The following NLRP1 variants were observed in gnomAD, a reference collection of about 807,000 sequenced individuals.
The protein encoded by NLRP1 is NLR family pyrin domain containing 1, also known as NACHT, LRR and PYD domains-containing protein 1.
A neutral mutation model predicts 136.7 loss-of-function variants in NLRP1; 94 were observed. The ratio of observed to expected loss-of-function variants is 0.69; its 90% CI spans 0.58 to 0.82. The LOEUF (loss-of-function observed/expected upper bound fraction) is 0.82, where lower values mean the gene tolerates loss of function less well. Ranked by LOEUF, NLRP1 falls within the 40% of genes least tolerant of loss-of-function variation. The pLI is 0.00. For missense variants in NLRP1, 1,575 were observed against 1,802.7 expected (o/e 0.87, Z 2.29); for synonymous variants, 690 against 725.1 (o/e 0.95, Z 0.78).
rs750620188 is a variant in NLRP1 at position 5,582,823 on chromosome 17, T to G, written c.295A>C (p.Ser99Arg). 1 of 1,612,114 alleles carries G rather than the reference T, an allele frequency of 6.2e-7. No homozygotes were observed. Among genetic ancestry groups the G allele is most frequent in the Admixed American group, 1.7e-5 (1 of 59,826 alleles). The change falls in exon 2 of 17, where the codon AGC becomes CGC. Residue 99 changes from serine to arginine, a missense_variant. Ser to Arg is a moderately radical substitution (Grantham distance 110). Transcript: ENST00000572272. ...GACCCCAGGTGGGGTTCACTTGGGC[T>G]GTAGGGGAATGAGGGAGAGTGGCCT... ...GAGHSPSFPY[S>R]PSEPHLGSPS...
At chr17:5,580,500 C>T (rs564757922) in intron 3 of NLRP1, among the ~76,000 whole-genome samples, 263 of 152,130 alleles carry the variant, frequency 1.7e-3, no homozygotes, top group Non-Finnish European at 2.4e-3. Flanking sequence ...AATGTTATTT[C>T]CCTTGCATTG....
At chr17:5,507,319 A>T (rs550692723) in intron 15 of NLRP1, among the ~76,000 whole-genome samples, 1 of 152,224 alleles carries the variant, frequency 6.6e-6, no homozygotes, top group Non-Finnish European at 1.5e-5. Flanking sequence ...AATAAATTAA[A>T]TTAATTAAAT....
chr17:5,561,143 GC>G, intron 3 of NLRP1, among the ~76,000 whole-genome samples: 1 of 152,204 alleles, frequency 6.6e-6, no homozygotes, highest in East Asian at 1.9e-4. Flanking sequence ...CGCAACCTCC[GC>G]CTCCCAGGGT....
chr17:5,562,504 GA>G (rs145141328), intron 3 of NLRP1, among the ~76,000 whole-genome samples: 2,335 of 152,288 alleles, frequency 0.015, 53 homozygotes, highest in African/African-American at 0.052. Context: ...CCAGTAATCA[GA>G]AGGGTCTTGT....
rs2151726487 is a variant in NLRP1 at position 5,504,658 on chromosome 17, T to TAAAAC, written c.4070-2791_4070-2787dup. 6.8e-6 allele frequency: 1 copy of TAAAAC among 146,580 alleles called. No homozygotes were observed. The highest frequency in any genetic ancestry group is 2.2e-4 in the East Asian group (1 of 4,588). The allele number at this position is 146,580 out of a possible 1,614,324, so 9.1% of individuals were successfully genotyped here. A position where few individuals can be genotyped will look rare whatever the true frequency, so the allele number is the denominator to read the frequency against. On this transcript the variant is annotated intron_variant, in intron 15 of 15. Coordinates refer to the NLRP1 transcript ENST00000262467. This position sits in a 1 kb window ranked among gnomAD's most constrained non-coding sequence, Gnocchi z 4.4. ...TAGAATAGAATAGAATAGAATAGAA[T>TAAAAC]AAAACACTGACTGCTGGGGTTCTAA...
chr17:5,578,547 A>C (rs1905249567), intron 3 of NLRP1, among the ~76,000 whole-genome samples: 1 of 152,276 alleles, frequency 6.6e-6, no homozygotes, highest in Non-Finnish European at 1.5e-5. Flanking sequence ...AATGCAAATC[A>C]AAACCACAAT....
intron 12 of NLRP1, among the ~76,000 whole-genome samples, chr17:5,525,674 G>C (rs1909442782): frequency 6.6e-6 from 1 of 152,230 alleles, no homozygotes; most frequent in Non-Finnish European, 1.5e-5. Flanking sequence ...GGACTGCCTG[G>C]CTTTGACTCC....
chr17:5,514,568 G>A lies in NLRP1; in HGVS notation c.*186C>T. On this transcript the variant is annotated 3_prime_UTR_variant, in exon 17 of 17. Transcript: ENST00000572272. ...CCCTGAGATGCTGTTAGGCCACCTG[G>A]ACTGGGGCCCCCTGTGGCATCCCTG... 7.0e-7 allele frequency: 1 copy of A among 1,436,852 alleles called. No homozygotes were observed. The highest frequency in any genetic ancestry group is 1.5e-5 in the South Asian group (1 of 66,650). 89.0% of individuals were successfully genotyped at this position (1,436,852 alleles called of 1,614,324 possible).
chr17:5,558,319 T>A lies in NLRP1; in HGVS notation c.2357+20A>T, dbSNP rs778286969. ...TGGACTGACAGAGGAGCTGCAGACA[T>A]GGGTGGTTTGGGTACTCACAGGACT... is the stretch of plus-strand genomic sequence containing the variant. On this transcript the variant is annotated intron_variant, in intron 4 of 16. Coordinates refer to ENST00000572272, the MANE Select transcript of NLRP1 (RefSeq NM_033004.4). 1.0e-5 allele frequency: 16 copies of A among 1,574,264 alleles called. No individual in the cohort carries two copies. Among genetic ancestry groups the A allele is most frequent in the Non-Finnish European group, 1.4e-5 (16 of 1,160,262 alleles).
chr17:5,528,703 C>T (rs981882840), intron 12 of NLRP1, among the ~76,000 whole-genome samples: 1 of 152,148 alleles, frequency 6.6e-6, no homozygotes, highest in African/African-American at 2.4e-5. Flanking sequence ...TATATGCATA[C>T]TGTAAAGTTA....
At chr17:5,518,809 C>T (rs1263863211) in intron 14 of NLRP1, among the ~76,000 whole-genome samples, 1 of 150,860 alleles carries the variant, frequency 6.6e-6, no homozygotes, top group Non-Finnish European at 1.5e-5. Flanking sequence ...GAATTACAGG[C>T]GAAAGTCACT....
chr17:5,518,183 C>T (rs1002558990), intron 14 of NLRP1: 10 of 259,656 alleles, frequency 3.9e-5, no homozygotes, highest in African/African-American at 1.3e-4. Flanking sequence ...CTCATTTCTC[C>T]AGCCCAAAGC....
chr17:5,583,975 G>C lies in NLRP1; in HGVS notation c.-18C>G. The C allele has an allele frequency of 6.2e-7, 1 of 1,603,316 alleles. No individual in the cohort carries two copies. The highest frequency in any genetic ancestry group is 1.1e-5 in the South Asian group (1 of 89,200). Reference sequence around the variant, plus strand: ...CCAGCCATCTCTGTCCCGGAGTTAAGAGGGTGTCTGGGGGATGTTCCCAGG... The same window carrying C: ...CCAGCCATCTCTGTCCCGGAGTTAACAGGGTGTCTGGGGGATGTTCCCAGG... On this transcript the variant is annotated 5_prime_UTR_variant, in exon 1 of 17. Coordinates refer to ENST00000572272, the MANE Select transcript of NLRP1 (RefSeq NM_033004.4). This position sits in a 1 kb window ranked among gnomAD's most constrained non-coding sequence, Gnocchi z 4.5.
At chr17:5,516,000 A>G (rs142755887) in intron 15 of NLRP1, among the ~76,000 whole-genome samples, 1 of 152,332 alleles carries the variant, frequency 6.6e-6, no homozygotes, top group African/African-American at 2.4e-5. Flanking sequence ...AAGATCAAGC[A>G]ATCTTAGGAC....
intron 5 of NLRP1, among the ~76,000 whole-genome samples, chr17:5,550,696 A>G (rs768250319): frequency 2.0e-5 from 3 of 150,790 alleles, no homozygotes. Context: ...ATTTATCTCT[A>G]CTCTAGTCTT....
intron 2 of NLRP1, 112 bp downstream of exon 2, chr17:5,582,558 T>C (rs1370713349): frequency 9.7e-7 from 1 of 1,036,242 alleles, no homozygotes; most frequent in Non-Finnish European, 1.4e-6. Context: ...CTATCCTTCC[T>C]CTGCTGTCCC....
At chr17:5,510,009 A>G (rs1907542244), downstream of NLRP1, among the ~76,000 whole-genome samples, 2 of 151,992 alleles carry the variant, frequency 1.3e-5, no homozygotes, top group Non-Finnish European at 2.9e-5. Context: ...CAACCGTCAC[A>G]TCCATTCTGA....
Position 5,541,797 on chromosome 17 carries a change from G to T in NLRP1, c.2699+60C>A. On this transcript the variant is annotated intron_variant, in intron 6 of 16. Coordinates refer to ENST00000572272, the MANE Select transcript of NLRP1 (RefSeq NM_033004.4). This position sits in a 1 kb window ranked among gnomAD's most constrained non-coding sequence, Gnocchi z 4.2. ...CACCTTCTCTCTGCTCTTACCCTCT[G>T]CCTGCCTCATGGTGGCAGGCAGTTC... 1 of 1,554,320 alleles carries T rather than the reference G, an allele frequency of 6.4e-7. No homozygotes were observed. The highest frequency in any genetic ancestry group is 8.8e-7 in the Non-Finnish European group (1 of 1,131,238).
chr17:5,535,221 A>G (rs1448232357), intron 8 of NLRP1, among the ~76,000 whole-genome samples: 1 of 148,698 alleles, frequency 6.7e-6, no homozygotes, highest in Admixed American at 6.7e-5. Context: ...CTCTGTCTCA[A>G]AAAAAAAAAA....
Sources: allele counts gnomAD v4.1 joint callset (sites outside exome capture counted in the v4.1 genomes callset), GRCh38; gene constraint gnomAD v4.1.1; non-coding constraint Gnocchi (gnomAD v3.1); transcripts MANE v1.5; gene names NCBI Gene and HGNC (gene_info 2026-07-23, HGNC 2026-07-21).